PEBP1: variants seen among roughly 807,000 people sequenced by gnomAD.
PEBP1 encodes phosphatidylethanolamine binding protein 1.
Under a neutral mutation model 22.7 loss-of-function variants are expected in PEBP1, and 17 were observed. The ratio of observed to expected loss-of-function variants is 0.75; its 90% CI spans 0.51 to 1.12. The LOEUF is 1.12. Ranked by LOEUF, PEBP1 falls within the 50% of genes most tolerant of loss-of-function variation. The pLI, the probability that PEBP1 is intolerant of heterozygous loss-of-function variation, is 0.00. For synonymous variants in PEBP1, 106 were observed against 104.3 expected, an observed-to-expected ratio of 1.02 and a Z score of -0.10; for missense variants, 205 against 243.5, an observed-to-expected ratio of 0.84 and a Z score of 1.05.
intron 3 of PEBP1, among the ~76,000 whole-genome samples, chr12:118,143,918 A>C (rs894220561): frequency 2.0e-5 from 3 of 151,720 alleles, no homozygotes; most frequent in African/African-American, 4.8e-5. Flanking sequence ...AAAAAAAAAA[A>C]AAACCCACTT....
chr12:118,137,990 T>C, intron 1 of PEBP1, 49 bp from the exon 2 acceptor site: 1 of 1,304,986 alleles, frequency 7.7e-7, no homozygotes, highest in Non-Finnish European at 1.1e-6. Flanking sequence ...CCCAGCCAGT[T>C]TCTTCAGCAT....
intron 1 of PEBP1, 31 bp from the exon 2 acceptor site, chr12:118,138,008 T>G: frequency 6.6e-7 from 1 of 1,521,996 alleles, no homozygotes; most frequent in Non-Finnish European, 9.1e-7. Context: ...CATTTCTGAC[T>G]TTTTTACTGC....
At position 118,144,807 on chromosome 12, in the gene PEBP1, G is replaced by A. The variant is rs776912217; in HGVS notation, c.*4G>A. ...CGAGCAGCTGTCTGGGAAGTAGGGG[G>A]TTAGCTTGGGGACCTGAACTGTCCT... On this transcript the variant is annotated 3_prime_UTR_variant, in exon 4 of 4. Coordinates refer to ENST00000261313, the MANE Select transcript of PEBP1 (RefSeq NM_002567.4). 1 of 1,613,876 alleles carries A rather than the reference G, an allele frequency of 6.2e-7. No homozygotes were observed. The highest frequency in any genetic ancestry group is 8.5e-7 in the Non-Finnish European group (1 of 1,180,028).
At chr12:118,137,599 A>C (rs2034076831) in intron 1 of PEBP1, among the ~76,000 whole-genome samples, 1 of 152,188 alleles carries the variant, frequency 6.6e-6, no homozygotes, top group Non-Finnish European at 1.5e-5. Flanking sequence ...CCTGGCTCTT[A>C]CAGTCAATAC....
chr12:118,138,624 G>GACCTCAGGTGATCTGCCC (rs1354327640), intron 2 of PEBP1, among the ~76,000 whole-genome samples: 1 of 152,008 alleles, frequency 6.6e-6, no homozygotes, highest in African/African-American at 2.4e-5. Flanking sequence ...TCGAACTCCT[G>GACCTCAGGTGATCTGCCC]ACCTCAGGTG....
chr12:118,139,701 T>G, intron 3 of PEBP1, 150 bp downstream of exon 3: 2 of 549,998 alleles, frequency 3.6e-6, no homozygotes, highest in Admixed American at 6.6e-5. Context: ...GGGCACACAT[T>G]CAGACCTGCA....
rs954396551 is a variant in PEBP1, at chr12:118,137,978, C to T, written c.136-61C>T. On this transcript the variant is annotated intron_variant, in intron 1 of 3. Transcript: ENST00000261313. ...CTGGGATTACAGGCGTGAGCCACCA[C>T]ACCCAGCCAGTTTCTTCAGCATTTC... 3.0e-5 allele frequency: 34 copies of T among 1,151,586 alleles called. No individual in the cohort carries two copies. In the African/African-American group the frequency reaches 4.9e-4, roughly 16 times the overall value. The allele number at this position is 1,151,586 out of a possible 1,614,324, so 71.3% of individuals were successfully genotyped here.
chr12:118,144,269 G>A (rs144474624), intron 3 of PEBP1, among the ~76,000 whole-genome samples: 5 of 152,208 alleles, frequency 3.3e-5, no homozygotes, highest in African/African-American at 1.2e-4. Flanking sequence ...GTTGGGAGGC[G>A]AGGATAAGGG....
At chr12:118,139,616 C>A in intron 3 of PEBP1, 65 bp downstream of exon 3, 2 of 975,302 alleles carry the variant, frequency 2.1e-6, no homozygotes, top group Non-Finnish European at 3.2e-6. Flanking sequence ...AGGATTGACC[C>A]AATGCTTTTC....
At chr12:118,140,580 C>G (rs2138085312) in intron 3 of PEBP1, among the ~76,000 whole-genome samples, 1 of 151,186 alleles carries the variant, frequency 6.6e-6, no homozygotes, top group Non-Finnish European at 1.5e-5. Context: ...TGCTCTGTCT[C>G]CCAGGCTGGA....
intron 3 of PEBP1, among the ~76,000 whole-genome samples, chr12:118,141,512 T>A (rs1269823641): frequency 6.6e-6 from 1 of 152,104 alleles, no homozygotes; most frequent in Non-Finnish European, 1.5e-5. Context: ...GGCAGTTGGA[T>A]CACTTGAAGC....
At chr12:118,143,268 A>G (rs1023802864) in intron 3 of PEBP1, among the ~76,000 whole-genome samples, 4 of 152,098 alleles carry the variant, frequency 2.6e-5, no homozygotes, top group Non-Finnish European at 4.4e-5. Flanking sequence ...GGCAGCCACC[A>G]TTCCACTTTC....
intron 3 of PEBP1, among the ~76,000 whole-genome samples, chr12:118,139,844 G>A (rs1223050073): frequency 6.6e-6 from 1 of 152,092 alleles, no homozygotes; most frequent in African/African-American, 2.4e-5. Flanking sequence ...AGCTTAGCAT[G>A]GCCTTTTGGG....
intron 3 of PEBP1, among the ~76,000 whole-genome samples, chr12:118,141,658 C>T (rs370805614): frequency 7.2e-5 from 11 of 152,094 alleles, no homozygotes; most frequent in Non-Finnish European, 1.3e-4. Context: ...GGCTTGAACC[C>T]GGGAGGTGGA....
rs952206571 is a variant in PEBP1 at position 118,136,354 on chromosome 12, G to A, written c.135+10G>A. On this transcript the variant is annotated intron_variant, in intron 1 of 3. Transcript: ENST00000261313. This position sits in a 1 kb window ranked among gnomAD's most constrained non-coding sequence, Gnocchi z 5.6. ...GCTGACGCCCACCCAGGTACACCGG[G>A]CGGCGGGCGTGCAGCGAGCGGCACG... is the stretch of plus-strand genomic sequence containing the variant. The A allele has an allele frequency of 2.0e-5, 30 of 1,537,862 alleles. No homozygotes were observed. The highest frequency in any genetic ancestry group is 2.4e-5 in the Non-Finnish European group (28 of 1,145,290).
Position 118,144,586 on chromosome 12 carries a change from G to T in PEBP1, c.347G>T (p.Gly116Val). Residue 116 changes from glycine to valine, a missense_variant and splice_region_variant, in exon 4 of 4, where the codon GGC becomes GTC. Gly to Val is a moderately radical substitution (Grantham distance 109). Coordinates refer to ENST00000261313, the MANE Select transcript of PEBP1 (RefSeq NM_002567.4). ...YVGSGPPKGT[G>V]LHRYVWLVYE... Reference sequence around the variant, plus strand: ...ATCTTCCCTCTGCCTCTCCCCACAGGCCTCCACCGCTATGTCTGGCTGGTT... The same window carrying T: ...ATCTTCCCTCTGCCTCTCCCCACAGTCCTCCACCGCTATGTCTGGCTGGTT... The T allele has an allele frequency of 6.2e-7, 1 of 1,611,570 alleles. No homozygotes were observed. The highest frequency in any genetic ancestry group is 8.5e-7 in the Non-Finnish European group (1 of 1,178,962).
In PEBP1 at chr12:118,136,951, A is replaced by G. The variant is rs2034067725; in HGVS notation, c.135+607A>G. 6.6e-6 allele frequency among the ~76,000 whole-genome samples: 1 copy of G among 152,200 alleles called. No individual in the cohort carries two copies. The highest frequency in any genetic ancestry group is 2.4e-5 in the African/African-American group (1 of 41,456). On this transcript the variant is annotated intron_variant, in intron 1 of 3. Coordinates refer to ENST00000261313, the MANE Select transcript of PEBP1 (RefSeq NM_002567.4). This position sits in a 1 kb window ranked among gnomAD's most constrained non-coding sequence, Gnocchi z 5.6. ...GAAAGTGAAGAAACTAGATTTGCAGACGCCACTGCTAGTTGGTTATGAAGC... is the reference window on the plus strand; with the variant it reads ...GAAAGTGAAGAAACTAGATTTGCAGGCGCCACTGCTAGTTGGTTATGAAGC...
intron 3 of PEBP1, 94 bp downstream of exon 3, chr12:118,139,645 C>T: frequency 1.3e-6 from 1 of 748,480 alleles, no homozygotes; most frequent in Non-Finnish European, 2.3e-6. Flanking sequence ...GCCCTTAACC[C>T]TGCTGGAAAT....
chr12:118,136,146 G>A lies in PEBP1; in HGVS notation c.-64G>A. On this transcript the variant is annotated 5_prime_UTR_variant, in exon 1 of 4. Transcript: ENST00000261313. The surrounding 1 kb of genome is among the most constrained non-coding windows in gnomAD (Gnocchi z 5.6). ...GCCAGTGTGCTGAGCTCTCCGCGTC[G>A]CCTCTGTCGCCCGCGCCTGGCCTAC... The A allele has an allele frequency of 2.0e-6, 3 of 1,529,382 alleles. No individual in the cohort carries two copies. Among genetic ancestry groups the A allele is most frequent in the Non-Finnish European group, 2.6e-6 (3 of 1,141,856 alleles). 94.7% of individuals were successfully genotyped at this position (1,529,382 alleles called of 1,614,324 possible).
Sources: allele counts gnomAD v4.1 joint callset (sites outside exome capture counted in the v4.1 genomes callset), GRCh38; gene constraint gnomAD v4.1.1; non-coding constraint Gnocchi (gnomAD v3.1); transcripts MANE v1.5; gene names NCBI Gene and HGNC (gene_info 2026-07-23, HGNC 2026-07-21).